RBMS1: variants seen among roughly 807,000 people sequenced by gnomAD.
RBMS1 encodes RNA-binding motif, single-stranded-interacting protein 1.
RBMS1 carries 17 observed loss-of-function variants against 62.3 expected under a neutral mutation model. The observed-to-expected ratio is 0.27, with a 90% CI of 0.19 to 0.41. RBMS1 has a LOEUF of 0.41. RBMS1 is among the 10% of genes least tolerant of loss of function. RBMS1 has a pLI of 1.00. For missense variants in RBMS1, 334 were observed against 504.5 expected (o/e 0.66, Z 3.24); for synonymous variants, 172 against 170.0 (o/e 1.01, Z -0.09).
In RBMS1 at chr2:160,449,947, C is replaced by A. The variant is rs544647268; in HGVS notation, c.75+43342G>T. On this transcript the variant is annotated intron_variant, in intron 1 of 13. Coordinates refer to ENST00000348849, the MANE Select transcript of RBMS1 (RefSeq NM_016836.4). ...CATTTTCAGCTCTATACATCTCCAA[C>A]CTGATGAGGCCACAGGACTCCCTGC... 2.0e-5 allele frequency among the ~76,000 whole-genome samples: 3 copies of A among 152,254 alleles called. No homozygotes were observed. In the East Asian group the frequency reaches 5.8e-4, roughly 29 times the overall value.
chr2:160,419,631 G>A (rs1696339174), intron 1 of RBMS1, among the ~76,000 whole-genome samples: 2 of 152,216 alleles, frequency 1.3e-5, no homozygotes, highest in African/African-American at 4.8e-5. Context: ...TTTAGTGGAT[G>A]TCAGTGTATT....
chr2:160,479,312 T>C (rs1685267931), intron 1 of RBMS1, among the ~76,000 whole-genome samples: 1 of 152,236 alleles, frequency 6.6e-6, no homozygotes, highest in Non-Finnish European at 1.5e-5. Context: ...GCTACCCAGC[T>C]CATCTACAAC....
intron 1 of RBMS1, 150 bp from the exon 2 acceptor site, chr2:160,367,541 TA>T: frequency 7.4e-7 from 1 of 1,355,242 alleles, no homozygotes; most frequent in Non-Finnish European, 9.6e-7. Flanking sequence ...CTGTTCATGC[TA>T]CTTTAAAAAA....
At chr2:160,408,915 G>T (rs2105249402) in intron 1 of RBMS1, among the ~76,000 whole-genome samples, 1 of 152,304 alleles carries the variant, frequency 6.6e-6, no homozygotes, top group African/African-American at 2.4e-5. Flanking sequence ...TACTATCGCT[G>T]CAGTAAATAC....
intron 12 of RBMS1, among the ~76,000 whole-genome samples, chr2:160,276,339 TACC>T (rs373432177): frequency 0.011 from 1,666 of 150,816 alleles, 17 homozygotes; most frequent in Middle Eastern, 0.031. Flanking sequence ...AAAATACTAC[TACC>T]ACCACCACCA....
chr2:160,285,457 C>G lies in RBMS1; in HGVS notation c.757-413G>C, dbSNP rs112971915. ...ATCAATCTCTCTAGCATACTAGCTA[C>G]GTTTCAAGTGCTCAGAGAGCCACCT... On this transcript the variant is annotated intron_variant, in intron 7 of 13. Coordinates refer to ENST00000348849, the MANE Select transcript of RBMS1 (RefSeq NM_016836.4). Among the ~76,000 whole-genome samples the G allele has an allele frequency of 2.6e-5, 4 of 152,120 alleles. No homozygotes were observed. In the South Asian group the frequency reaches 8.3e-4, roughly 32 times the overall value.
intron 6 of RBMS1, among the ~76,000 whole-genome samples, chr2:160,290,737 G>A (rs1449170118): frequency 6.6e-6 from 1 of 152,128 alleles, no homozygotes; most frequent in South Asian, 2.1e-4. Flanking sequence ...AAGGCCCCAG[G>A]CAACACTGCA....
At chr2:160,336,173 T>C (rs964364070) in intron 2 of RBMS1, among the ~76,000 whole-genome samples, 3 of 152,144 alleles carry the variant, frequency 2.0e-5, no homozygotes, top group African/African-American at 7.2e-5. Flanking sequence ...GGCATACACA[T>C]CTGGTAAGAG....
rs558603161 is a variant in RBMS1, at chr2:160,320,959, T to C, written c.252-2732A>G. Among the ~76,000 whole-genome samples the C allele has an allele frequency of 4.6e-5, 7 of 151,996 alleles. No individual in the cohort carries two copies. In the East Asian group the frequency reaches 1.4e-3, roughly 30 times the overall value. ...GGGGACGGTAGGTATGACTCCAATT[T>C]GGGGTAAGGAGATTGAGAGTCACAG... On this transcript the variant is annotated intron_variant, in intron 2 of 13. Transcript: ENST00000348849.
chr2:160,282,187 T>C, intron 9 of RBMS1: 1 of 1,289,842 alleles, frequency 7.8e-7, no homozygotes, highest in African/African-American at 1.5e-5. Context: ...TATCCCCTAT[T>C]GTTAACTTCA....
chr2:160,403,868 G>C (rs535903337), intron 1 of RBMS1, among the ~76,000 whole-genome samples: 2 of 152,298 alleles, frequency 1.3e-5, no homozygotes, highest in Non-Finnish European at 2.9e-5. Flanking sequence ...GAAACAGGAA[G>C]AGGAGTAGCT....
At chr2:160,357,055 C>T (rs965292480) in intron 2 of RBMS1, among the ~76,000 whole-genome samples, 2 of 151,992 alleles carry the variant, frequency 1.3e-5, no homozygotes, top group African/African-American at 4.8e-5. Context: ...GCACAACTGC[C>T]AAATAAAGAT....
In RBMS1 at chr2:160,493,657, T is replaced by G; in HGVS notation, c.-294A>C. ...CCCGGACAGGGCGCTCCCAAGGAGT[T>G]TCCTCCCGGAGCCCGACTGCTCCGG... On this transcript the variant is annotated 5_prime_UTR_variant, in exon 1 of 14. Transcript: ENST00000348849. 15 of 457,732 alleles carry G rather than the reference T, an allele frequency of 3.3e-5. No homozygotes were observed. The highest frequency in any genetic ancestry group is 8.6e-5 in the East Asian group (2 of 23,334). The allele number at this position is 457,732 out of a possible 1,614,324, so 28.4% of individuals were successfully genotyped here.
intron 6 of RBMS1, among the ~76,000 whole-genome samples, chr2:160,297,426 T>C (rs1219016850): frequency 2.6e-5 from 4 of 152,158 alleles, no homozygotes; most frequent in Non-Finnish European, 2.9e-5. Flanking sequence ...GGTGTTACAG[T>C]GTAGTAAAAT....
chr2:160,272,733 A>G lies in RBMS1; in HGVS notation c.*2039T>C, dbSNP rs1227300397. On this transcript the variant is annotated 3_prime_UTR_variant, in exon 14 of 14. Coordinates refer to ENST00000348849, the MANE Select transcript of RBMS1 (RefSeq NM_016836.4). ...TTCCAGGGAGCATAGAACCAATAAT[A>G]CCACAACTTTAAAAAAATGAAACAA... 1 of 152,352 alleles carries G rather than the reference A, an allele frequency of 6.6e-6. No individual in the cohort carries two copies. The highest frequency in any genetic ancestry group is 1.9e-4 in the East Asian group (1 of 5,186). The allele number at this position is 152,352 out of a possible 1,614,324, so 9.4% of individuals were successfully genotyped here.
chr2:160,327,580 T>C (rs1308213792), intron 2 of RBMS1, among the ~76,000 whole-genome samples: 1 of 152,198 alleles, frequency 6.6e-6, no homozygotes, highest in Non-Finnish European at 1.5e-5. Context: ...AGCTTTACAT[T>C]ATTTTATGGT....
At chr2:160,456,170 G>A (rs900724528) in intron 1 of RBMS1, among the ~76,000 whole-genome samples, 1 of 152,204 alleles carries the variant, frequency 6.6e-6, no homozygotes, top group Non-Finnish European at 1.5e-5. Context: ...AATAGTAGTT[G>A]TAACATTGAT....
intron 1 of RBMS1, among the ~76,000 whole-genome samples, chr2:160,429,261 T>C (rs1363450931): frequency 2.0e-5 from 3 of 152,214 alleles, no homozygotes; most frequent in Admixed American, 1.3e-4. Flanking sequence ...TGATCAATGT[T>C]TCTTGGAAAG....
intron 1 of RBMS1, among the ~76,000 whole-genome samples, chr2:160,386,261 G>A (rs12692595): frequency 0.51 from 77,601 of 152,052 alleles, 20,845 homozygotes; most frequent in East Asian, 0.62. Flanking sequence ...GCCTTGGCCA[G>A]GCACAGTGGC....
Sources: allele counts gnomAD v4.1 joint callset (sites outside exome capture counted in the v4.1 genomes callset), GRCh38; gene constraint gnomAD v4.1.1; transcripts MANE v1.5; gene names NCBI Gene and HGNC (gene_info 2026-07-23, HGNC 2026-07-21).